The following CLASP1 variants were observed in gnomAD, a reference collection of about 807,000 sequenced individuals.
The protein encoded by CLASP1 is cytoplasmic linker associated protein 1.
A neutral mutation model predicts 192.3 loss-of-function variants in CLASP1; 38 were observed. That is an observed-to-expected ratio of 0.20 (90% CI 0.15 to 0.26). CLASP1 has a LOEUF of 0.26. Among genes scored for constraint, CLASP1 ranks in the 10% least tolerant of loss-of-function variants. The pLI is 1.00. For synonymous variants in CLASP1, 691 were observed against 712.8 expected (o/e 0.97, Z 0.49); for missense variants, 1,433 against 1,932.5 (o/e 0.74, Z 4.85).
intron 2 of CLASP1, among the ~76,000 whole-genome samples, chr2:121,540,919 T>C (rs2095219673): frequency 6.6e-6 from 1 of 152,184 alleles, no homozygotes; most frequent in African/African-American, 2.4e-5. Flanking sequence ...GGTGGCGATG[T>C]CCTAAGCAAC....
In CLASP1 at chr2:121,447,861, G is replaced by A. The variant is rs897761738; in HGVS notation, c.1742-354C>T. Among the ~76,000 whole-genome samples the A allele has an allele frequency of 7.2e-5, 11 of 152,130 alleles. No individual in the cohort carries two copies. In the South Asian group the frequency reaches 1.2e-3, roughly 17 times the overall value. On this transcript the variant is annotated intron_variant, in intron 18 of 39. Coordinates refer to ENST00000263710, the Ensembl canonical transcript of CLASP1. ...TCATGAAATGACATAACTGTGCCAC[G>A]CCCTCTTACCTAGAGCCCTCCTCTT...
At chr2:121,524,559 C>T (rs1283210436) in intron 6 of CLASP1, among the ~76,000 whole-genome samples, 2 of 151,712 alleles carry the variant, frequency 1.3e-5, no homozygotes, top group Admixed American at 6.6e-5. Context: ...CAGGTTCATG[C>T]GATTCTTGTG....
At chr2:121,530,955 C>T (rs983845260) in intron 2 of CLASP1, 7 of 700,308 alleles carry the variant, frequency 1.0e-5, no homozygotes, top group Admixed American at 4.0e-5. Context: ...GCCTGAACAA[C>T]ACACCCGCAT....
At chr2:121,372,781 T>C (rs2149295701) in intron 34 of CLASP1, among the ~76,000 whole-genome samples, 1 of 152,314 alleles carries the variant, frequency 6.6e-6, no homozygotes, top group African/African-American at 2.4e-5. Flanking sequence ...ATGACTCCAG[T>C]ATCACCAGGG....
At chr2:121,345,476 G>A (rs1378274648) in intron 39 of CLASP1, among the ~76,000 whole-genome samples, 1 of 152,206 alleles carries the variant, frequency 6.6e-6, no homozygotes, top group Non-Finnish European at 1.5e-5. Context: ...CTTTTTGGAT[G>A]AATTTTCCAT....
At chr2:121,572,924 A>C (rs187386958) in intron 2 of CLASP1, among the ~76,000 whole-genome samples, 2 of 152,260 alleles carry the variant, frequency 1.3e-5, no homozygotes, top group African/African-American at 4.8e-5. Context: ...ACTAACCCAG[A>C]GCTGAACTAA....
chr2:121,399,633 T>G (rs950827544), intron 28 of CLASP1, among the ~76,000 whole-genome samples: 1 of 152,152 alleles, frequency 6.6e-6, no homozygotes, highest in Non-Finnish European at 1.5e-5. Flanking sequence ...GCATCTCAAC[T>G]GCTGAGAAAA....
chr2:121,479,860 T>C (rs900442486), intron 8 of CLASP1, among the ~76,000 whole-genome samples: 6 of 152,296 alleles, frequency 3.9e-5, no homozygotes, highest in South Asian at 4.1e-4. Flanking sequence ...ACACAGGGAA[T>C]ATAAAAATTT....
At chr2:121,403,634 C>A in intron 26 of CLASP1, 1 of 435,368 alleles carries the variant, frequency 2.3e-6, no homozygotes, top group South Asian at 1.7e-5. Flanking sequence ...CTAATAGTCT[C>A]TAAGGGCCTT....
At chr2:121,396,194 G>C (rs1242152457) in intron 30 of CLASP1, among the ~76,000 whole-genome samples, 1 of 152,204 alleles carries the variant, frequency 6.6e-6, no homozygotes, top group Non-Finnish European at 1.5e-5. Context: ...TATGGTCCTA[G>C]AACCTGGGTA....
intron 2 of CLASP1, among the ~76,000 whole-genome samples, chr2:121,599,627 G>A (rs2063564454): frequency 7.1e-6 from 1 of 140,462 alleles, no homozygotes; most frequent in Non-Finnish European, 1.5e-5. Flanking sequence ...AGAAGCCAAG[G>A]TCCCAAGGTC....
intron 8 of CLASP1, among the ~76,000 whole-genome samples, chr2:121,489,980 A>G (rs2093211716): frequency 6.6e-6 from 1 of 152,246 alleles, no homozygotes; most frequent in African/African-American, 2.4e-5. Context: ...TACTGTGAAC[A>G]TAAGCAGAGA....
chr2:121,389,864 A>AT (rs1057246167), intron 30 of CLASP1, among the ~76,000 whole-genome samples: 4 of 152,100 alleles, frequency 2.6e-5, no homozygotes, highest in African/African-American at 7.2e-5. Flanking sequence ...TTAAATATAC[A>AT]TTTTTTTATT....
At chr2:121,367,915 GA>G in intron 34 of CLASP1, 84 bp from the exon 36 acceptor site, 1 of 1,538,534 alleles carries the variant, frequency 6.5e-7, no homozygotes, top group East Asian at 2.3e-5. Context: ...AAGAAGGCCA[GA>G]GATTTTCACT....
chr2:121,526,010 C>T (rs1319956539), intron 5 of CLASP1, 90 bp from the exon 6 acceptor site: 10 of 846,340 alleles, frequency 1.2e-5, no homozygotes, highest in Admixed American at 1.0e-4. Context: ...TCCCGTGTCT[C>T]CCCAATCCCC....
At chr2:121,543,681 C>T (rs1327200382) in intron 2 of CLASP1, among the ~76,000 whole-genome samples, 2 of 152,114 alleles carry the variant, frequency 1.3e-5, no homozygotes, top group East Asian at 3.8e-4. Context: ...CTAGCCCCCT[C>T]CAAAAGGTCT....
rs568702264 is a variant in CLASP1 at position 121,522,272 on chromosome 2, G to A, written c.546+3573C>T. Among the ~76,000 whole-genome samples, 3 of 152,260 alleles carry A rather than the reference G, an allele frequency of 2.0e-5. No homozygotes were observed. The South Asian group carries it at 6.2e-4, about 32-fold the overall frequency. On this transcript the variant is annotated intron_variant, in intron 6 of 39. Transcript: ENST00000263710. Reference sequence around the variant, plus strand: ...TACTACAGAATACTGAAAGCTGCCCGTAGAGTACCAACCTCATCTTATGGA... The same window carrying A: ...TACTACAGAATACTGAAAGCTGCCCATAGAGTACCAACCTCATCTTATGGA...
chr2:121,585,261 A>C (rs1576241652), intron 2 of CLASP1, among the ~76,000 whole-genome samples: 1 of 152,242 alleles, frequency 6.6e-6, no homozygotes, highest in South Asian at 2.1e-4. Flanking sequence ...AGAAAGAAGA[A>C]CACCAACTAG....
At chr2:121,355,205 G>A (rs563196347) in intron 37 of CLASP1, among the ~76,000 whole-genome samples, 4 of 152,292 alleles carry the variant, frequency 2.6e-5, no homozygotes, top group Non-Finnish European at 4.4e-5. Context: ...CTGGAGTGCA[G>A]TGGCGCCATC....
Sources: allele counts gnomAD v4.1 joint callset (sites outside exome capture counted in the v4.1 genomes callset), GRCh38; gene constraint gnomAD v4.1.1; transcripts MANE v1.5; gene names NCBI Gene and HGNC (gene_info 2026-07-23, HGNC 2026-07-21).